The following RAB3GAP2 variants were observed in gnomAD, a reference collection of about 807,000 sequenced individuals.
The protein encoded by RAB3GAP2 is rab3 GTPase-activating protein non-catalytic subunit.
A neutral mutation model predicts 185.3 loss-of-function variants in RAB3GAP2; 87 were observed. That is an observed-to-expected ratio of 0.47 (90% confidence interval 0.39 to 0.56). The LOEUF (loss-of-function observed/expected upper bound fraction) is 0.56. Ranked by LOEUF, RAB3GAP2 falls within the 20% of genes least tolerant of loss-of-function variation. The pLI, the probability that RAB3GAP2 is intolerant of heterozygous loss-of-function variation, is 0.00. For synonymous variants in RAB3GAP2, 554 were observed against 576.1 expected (o/e 0.96, Z 0.55); for missense variants, 1,492 against 1,638.2 (o/e 0.91, Z 1.54).
At chr1:220,259,060 C>T (rs1448244508) in intron 1 of RAB3GAP2, among the ~76,000 whole-genome samples, 2 of 152,118 alleles carry the variant, frequency 1.3e-5, no homozygotes, top group Non-Finnish European at 2.9e-5. Flanking sequence ...GAACTACAAA[C>T]CATTGCTCAA....
chr1:220,185,301 T>A (rs1168851651), intron 18 of RAB3GAP2, among the ~76,000 whole-genome samples: 1 of 152,170 alleles, frequency 6.6e-6, no homozygotes, highest in Non-Finnish European at 1.5e-5. Context: ...ATAATCTGAT[T>A]GTTGATTGTG....
rs1658162167 is a variant in RAB3GAP2, at chr1:220,170,881, C to G, written c.2806+11G>C. 6.2e-7 allele frequency: 1 copy of G among 1,603,066 alleles called. No individual in the cohort carries two copies. The highest frequency in any genetic ancestry group is 8.5e-7 in the Non-Finnish European group (1 of 1,169,914). On this transcript the variant is annotated intron_variant, in intron 24 of 34. Transcript: ENST00000358951. Reference sequence around the variant, plus strand: ...AAATGGATGCAAATGCTCAAATAAACTTCAGCTTACCTTTTCCTCCTTCTA... The same window carrying G: ...AAATGGATGCAAATGCTCAAATAAAGTTCAGCTTACCTTTTCCTCCTTCTA...
intron 2 of RAB3GAP2, among the ~76,000 whole-genome samples, chr1:220,229,266 T>C (rs1293473620): frequency 6.6e-6 from 1 of 152,008 alleles, no homozygotes; most frequent in Non-Finnish European, 1.5e-5. Context: ...AAGAATAATA[T>C]AGCTAATTAA....
At chr1:220,168,052 TGAC>T (rs1658105189) in intron 24 of RAB3GAP2, among the ~76,000 whole-genome samples, 1 of 152,226 alleles carries the variant, frequency 6.6e-6, no homozygotes, top group Non-Finnish European at 1.5e-5. Context: ...TTGGTTAGTA[TGAC>T]ATTTGTCTAG....
chr1:220,227,935 T>C (rs1659430674), intron 2 of RAB3GAP2, among the ~76,000 whole-genome samples: 1 of 152,136 alleles, frequency 6.6e-6, no homozygotes, highest in Non-Finnish European at 1.5e-5. Context: ...TATTTTTAGT[T>C]AGAGACAGGG....
At chr1:220,168,072 A>G (rs190252219) in intron 24 of RAB3GAP2, among the ~76,000 whole-genome samples, 90 of 152,240 alleles carry the variant, frequency 5.9e-4, no homozygotes, top group African/African-American at 2.1e-3. Context: ...CTAGGCTCCT[A>G]AGGCCAATAT....
intron 1 of RAB3GAP2, among the ~76,000 whole-genome samples, chr1:220,238,817 T>G (rs1438306060): frequency 6.6e-6 from 1 of 152,240 alleles, no homozygotes; most frequent in African/African-American, 2.4e-5. Flanking sequence ...ATTCAGAACT[T>G]AATTATATAC....
At chr1:220,248,403 G>A (rs1332061523) in intron 1 of RAB3GAP2, among the ~76,000 whole-genome samples, 2 of 151,940 alleles carry the variant, frequency 1.3e-5, no homozygotes, top group African/African-American at 4.8e-5. Flanking sequence ...TAAGGTGATT[G>A]TAACAATCAT....
intron 1 of RAB3GAP2, among the ~76,000 whole-genome samples, chr1:220,248,687 GA>G (rs1272499039): frequency 1.4e-5 from 2 of 147,572 alleles, no homozygotes; most frequent in East Asian, 4.1e-4. Flanking sequence ...GACTTTTTTT[GA>G]AAGAAAAGTA....
At chr1:220,167,459 C>A (rs1203436152) in intron 25 of RAB3GAP2, 43 bp downstream of exon 25, 2 of 1,613,330 alleles carry the variant, frequency 1.2e-6, no homozygotes, top group Non-Finnish European at 1.7e-6. Flanking sequence ...TTGGCCACAT[C>A]TTTCCAATTT....
Position 220,157,917 on chromosome 1 carries a change from A to G in RAB3GAP2, c.3262-41T>C, listed in dbSNP as rs757477794. On this transcript the variant is annotated intron_variant, in intron 29 of 34. Transcript: ENST00000358951. ...GAACGTAATTAGGCCCTGCAGGAAA[A>G]CTGCTATAGTTACTGTCAGCCAAAC... 4 of 1,481,982 alleles carry G rather than the reference A, an allele frequency of 2.7e-6. No individual in the cohort carries two copies. In the Admixed American group the frequency reaches 5.1e-5, roughly 19 times the overall value. The allele number at this position is 1,481,982 out of a possible 1,614,324, so 91.8% of individuals were successfully genotyped here. A position where few individuals can be genotyped will look rare whatever the true frequency, so the allele number is the denominator to read the frequency against.
intron 1 of RAB3GAP2, among the ~76,000 whole-genome samples, chr1:220,260,582 C>T (rs533370241): frequency 6.6e-6 from 1 of 151,158 alleles, no homozygotes; most frequent in Non-Finnish European, 1.5e-5. Context: ...ACAAAACACA[C>T]TGGGGCCTGT....
chr1:220,252,637 A>C (rs938599002), intron 1 of RAB3GAP2, among the ~76,000 whole-genome samples: 10 of 152,216 alleles, frequency 6.6e-5, no homozygotes, highest in Non-Finnish European at 1.3e-4. Context: ...AGAAGCAGTG[A>C]GTAATTGTGC....
At position 220,153,972 on chromosome 1, in the gene RAB3GAP2, TGTC is replaced by T; in HGVS notation, c.3638_3640del (p.Arg1213del). 6.2e-7 allele frequency: 1 copy of T among 1,613,528 alleles called. No homozygotes were observed. The highest frequency in any genetic ancestry group is 8.5e-7 in the Non-Finnish European group (1 of 1,179,742). Reference sequence around the variant, plus strand: ...AATCCAATAGCTATAATTTACCTGTTGTCGTACAGAAATAAAATTTGGATCCAT... The same window carrying T: ...AATCCAATAGCTATAATTTACCTGTTGTACAGAAATAAAATTTGGATCCAT... On this transcript the variant is annotated inframe_deletion, in exon 32 of 35. Transcript: ENST00000358951.
chr1:220,154,294 A>C (rs536355148), intron 31 of RAB3GAP2: 1 of 461,010 alleles, frequency 2.2e-6, no homozygotes, highest in African/African-American at 2.0e-5. Flanking sequence ...CTCTCCTTGC[A>C]TGGAGGCTGA....
Position 220,151,730 on chromosome 1 carries a change from G to C in RAB3GAP2, c.3902C>G (p.Ala1301Gly). ...CCCCGTGAGCACCAGCAGCTGAGAG[G>C]CAAGGACCTCTTTGTCATGAACCTG... ...ILQVHDKEVL[A>G]SQLLVLTGQR... is the part of the protein sequence containing the mutation. The change falls in exon 34 of 35, where the codon GCC becomes GGC. Residue 1301 changes from alanine to glycine, a missense_variant. Around this residue, in one of 5 missense-constraint regions of RAB3GAP2, gnomAD observed 387 missense variants for 455.3 expected, o/e 0.85. Coordinates refer to ENST00000358951, the MANE Select transcript of RAB3GAP2 (RefSeq NM_012414.4). The C allele has an allele frequency of 6.2e-7, 1 of 1,611,984 alleles. No homozygotes were observed. The highest frequency in any genetic ancestry group is 8.5e-7 in the Non-Finnish European group (1 of 1,178,058).
In RAB3GAP2 at chr1:220,151,143, A is replaced by T. The variant is rs886046016; in HGVS notation, c.*108T>A. 1 of 1,221,910 alleles carries T rather than the reference A, an allele frequency of 8.2e-7. No individual in the cohort carries two copies. Among genetic ancestry groups the T allele is most frequent in the Non-Finnish European group, 1.2e-6 (1 of 867,802 alleles). 75.7% of individuals were successfully genotyped at this position (1,221,910 alleles called of 1,614,324 possible). Reference sequence around the variant, plus strand: ...ACTTTTATTTATTTTACAAAAGGAAAAAAAAAGACATACTTTTCCCATAAA... The same window carrying T: ...ACTTTTATTTATTTTACAAAAGGAATAAAAAAGACATACTTTTCCCATAAA... On this transcript the variant is annotated 3_prime_UTR_variant, in exon 35 of 35. Coordinates refer to ENST00000358951, the MANE Select transcript of RAB3GAP2 (RefSeq NM_012414.4).
chr1:220,193,674 T>C (rs796216820), intron 12 of RAB3GAP2, among the ~76,000 whole-genome samples: 6 of 152,274 alleles, frequency 3.9e-5, no homozygotes, highest in African/African-American at 1.4e-4. Context: ...CAGAAAACAA[T>C]GTCCTCACCA....
At chr1:220,172,549 T>C (rs1658198784) in intron 22 of RAB3GAP2, 88 bp downstream of exon 22, 13 of 878,816 alleles carry the variant, frequency 1.5e-5, no homozygotes, top group Non-Finnish European at 2.5e-5. Flanking sequence ...ACAGACTCCT[T>C]TTGTTAAGGG....
Sources: gnomAD v4.1 joint callset for allele counts (sites outside exome capture counted in the v4.1 genomes callset) on GRCh38, gnomAD v4.1.1 for gene constraint, gnomAD v4.1.1 regional missense constraint, MANE v1.5 for transcripts, NCBI Gene and HGNC (gene_info 2026-07-23, HGNC 2026-07-21) for gene names.